Variants in GATAD2A observed in about 807,000 individuals in gnomAD.
GATAD2A encodes transcriptional repressor p66-alpha.
A neutral mutation model predicts 68.5 loss-of-function variants in GATAD2A; 12 were observed. That is an observed-to-expected ratio of 0.18 (90% CI 0.11 to 0.28). The LOEUF (loss-of-function observed/expected upper bound fraction) is 0.28. Among genes scored for constraint, GATAD2A ranks in the 10% least tolerant of loss-of-function variants. The pLI is 1.00. For missense variants in GATAD2A, 755 were observed against 868.5 expected (o/e 0.87, Z 1.64); for synonymous variants, 410 against 375.3 (o/e 1.09, Z -1.07).
chr19:19,393,523 G>T (rs1346381666), intron 1 of GATAD2A, among the ~76,000 whole-genome samples: 2 of 152,262 alleles, frequency 1.3e-5, no homozygotes, highest in East Asian at 3.9e-4. Context: ...TGGTGATGGG[G>T]GTCTGGCAGT....
intron 2 of GATAD2A, among the ~76,000 whole-genome samples, chr19:19,479,622 T>A (rs1600239236): frequency 6.6e-6 from 1 of 152,214 alleles, no homozygotes; most frequent in Admixed American, 6.5e-5. Context: ...CACAGGCAGG[T>A]GATGGATTTG....
At chr19:19,396,943 G>A (rs975355061) in intron 1 of GATAD2A, among the ~76,000 whole-genome samples, 5 of 152,002 alleles carry the variant, frequency 3.3e-5, no homozygotes, top group African/African-American at 1.2e-4. Context: ...TCCTGACCTC[G>A]TAATCTGCCC....
intron 1 of GATAD2A, among the ~76,000 whole-genome samples, chr19:19,399,245 CTT>C (rs79556962): frequency 7.6e-5 from 11 of 145,414 alleles, no homozygotes; most frequent in Non-Finnish European, 9.1e-5. Context: ...CAAAAACCTA[CTT>C]TTTTTTTTTT....
chr19:19,462,355 A>G (rs1455556950), intron 1 of GATAD2A, among the ~76,000 whole-genome samples: 1 of 152,184 alleles, frequency 6.6e-6, no homozygotes, highest in Admixed American at 6.5e-5. Context: ...TTGGCAGTGG[A>G]GGAGGCTCCT....
chr19:19,471,125 G>A (rs996631785), intron 2 of GATAD2A, among the ~76,000 whole-genome samples: 9 of 152,024 alleles, frequency 5.9e-5, no homozygotes, highest in East Asian at 3.9e-4. Context: ...GTGTGGTGGC[G>A]TGCACCTGTA....
chr19:19,402,782 T>TTTTTTTTTTTTG (rs2049886289), upstream of GATAD2A, among the ~76,000 whole-genome samples: 1 of 150,350 alleles, frequency 6.7e-6, no homozygotes, highest in Non-Finnish European at 1.5e-5. Flanking sequence ...TTTGATTTTT[T>TTTTTTTTTTTTG]TTTTTTTTTG....
intron 1 of GATAD2A, among the ~76,000 whole-genome samples, chr19:19,395,007 C>T (rs1039111803): frequency 4.6e-5 from 7 of 152,268 alleles, no homozygotes; most frequent in Admixed American, 3.9e-4. Context: ...AGGCCCAGGC[C>T]GGAAGTGGGC....
intron 5 of GATAD2A, among the ~76,000 whole-genome samples, chr19:19,494,675 C>T (rs996492480): frequency 6.6e-6 from 1 of 152,250 alleles, no homozygotes; most frequent in Admixed American, 6.5e-5. Context: ...GATCTCCCTT[C>T]GTGTTGACTC....
intron 1 of GATAD2A, among the ~76,000 whole-genome samples, chr19:19,391,837 G>A (rs1318458753): frequency 6.6e-6 from 1 of 152,184 alleles, no homozygotes; most frequent in East Asian, 1.9e-4. Context: ...GAAATAGCTA[G>A]GGAAGTCAGG....
chr19:19,449,215 G>T (rs562289920), intron 1 of GATAD2A, among the ~76,000 whole-genome samples: 1 of 152,208 alleles, frequency 6.6e-6, no homozygotes, highest in Non-Finnish European at 1.5e-5. Flanking sequence ...CCATGGGAGG[G>T]CTGTTGGCTA....
chr19:19,405,012 C>G (rs2050059572), upstream of GATAD2A, among the ~76,000 whole-genome samples: 1 of 152,162 alleles, frequency 6.6e-6, no homozygotes, highest in Admixed American at 6.5e-5. Context: ...GGCTTTCATT[C>G]TGTCTCCTGT....
At chr19:19,483,109 G>A (rs1422498851) in intron 2 of GATAD2A, among the ~76,000 whole-genome samples, 1 of 152,188 alleles carries the variant, frequency 6.6e-6, no homozygotes, top group African/African-American at 2.4e-5. Context: ...TGCTGATGCT[G>A]GGGGCGGGCA....
At chr19:19,501,083 C>A in intron 8 of GATAD2A, 35 bp from the exon 9 acceptor site, 1 of 1,580,042 alleles carries the variant, frequency 6.3e-7, no homozygotes, top group Non-Finnish European at 8.6e-7. Context: ...GTCGTCCTGG[C>A]CCTCTGACGT....
chr19:19,441,714 G>A, intron 1 of GATAD2A: 1 of 173,502 alleles, frequency 5.8e-6, no homozygotes, highest in Non-Finnish European at 1.3e-5. Context: ...ACAGGCGCCT[G>A]CCACAACGCC....
At chr19:19,450,188 C>G (rs537460160) in intron 1 of GATAD2A, among the ~76,000 whole-genome samples, 1 of 152,316 alleles carries the variant, frequency 6.6e-6, no homozygotes, top group African/African-American at 2.4e-5. Flanking sequence ...ATTCCGCCCA[C>G]TGTTTGGTGA....
chr19:19,487,706 C>A (rs959795881), intron 2 of GATAD2A, among the ~76,000 whole-genome samples: 1 of 152,168 alleles, frequency 6.6e-6, no homozygotes, highest in African/African-American at 2.4e-5. Context: ...GCAGGCAGAA[C>A]ATGGCCATGC....
chr19:19,427,993 G>A (rs1166568033), intron 1 of GATAD2A: 1 of 152,090 alleles, frequency 6.6e-6, no homozygotes, highest in Non-Finnish European at 1.5e-5. Flanking sequence ...AGCCTCGAAG[G>A]TATTTTTTAT....
intron 2 of GATAD2A, among the ~76,000 whole-genome samples, chr19:19,483,167 T>C (rs1447113100): frequency 6.6e-6 from 1 of 152,286 alleles, no homozygotes; most frequent in Admixed American, 6.5e-5. Context: ...ACTGCTCCCT[T>C]CTGTACTGGG....
At chr19:19,439,201 C>A (rs1338867565) in intron 1 of GATAD2A, among the ~76,000 whole-genome samples, 2 of 152,224 alleles carry the variant, frequency 1.3e-5, no homozygotes, top group Non-Finnish European at 2.9e-5. Flanking sequence ...GGCACAGGGG[C>A]AGTCTTGCCT....
Sources: allele counts gnomAD v4.1 joint callset (sites outside exome capture counted in the v4.1 genomes callset), GRCh38; gene constraint gnomAD v4.1.1; transcripts MANE v1.5; gene names NCBI Gene and HGNC (gene_info 2026-07-23, HGNC 2026-07-21).